EXOC6: variants seen among roughly 807,000 people sequenced by gnomAD.
EXOC6 encodes the protein exocyst complex component 6, also known as SEC15-like 1.
In EXOC6, 60 loss-of-function variants were observed where a neutral mutation model predicts 112.5. That is an observed-to-expected ratio of 0.53 (90% confidence interval 0.43 to 0.66). EXOC6 has a LOEUF of 0.66. Among genes scored for constraint, EXOC6 ranks in the 30% least tolerant of loss-of-function variants. EXOC6 has a pLI of 0.00. For missense variants in EXOC6, 855 were observed against 957.1 expected (o/e 0.89, Z 1.41); for synonymous variants, 295 against 308.0 (o/e 0.96, Z 0.44).
At chr10:92,905,687 C>T (rs1285892869) in intron 5 of EXOC6, among the ~76,000 whole-genome samples, 2 of 152,008 alleles carry the variant, frequency 1.3e-5, no homozygotes, top group African/African-American at 4.8e-5. Flanking sequence ...TCTTGTTTCT[C>T]ACCATTAAGT....
At position 92,979,543 on chromosome 10, in the gene EXOC6, G is replaced by A. The variant is rs147624174; in HGVS notation, c.1953+5311G>A. The stretch of plus-strand genomic sequence containing the variant: ...ATTATTTTCACATATTGTGGTAGCA[G>A]TGGAAACCTGTAGGATTTGGAAAAC... On this transcript the variant is annotated intron_variant, in intron 18 of 21. Coordinates refer to ENST00000260762, the MANE Select transcript of EXOC6 (RefSeq NM_019053.6). 3.2e-3 allele frequency among the ~76,000 whole-genome samples: 491 copies of A among 152,294 alleles called. 3 individuals are homozygous for A. Among genetic ancestry groups the A allele is most frequent in the African/African-American group, 0.011 (470 of 41,554 alleles).
intron 15 of EXOC6, among the ~76,000 whole-genome samples, 182 bp from the exon 16 acceptor site, chr10:92,954,448 G>A (rs1192355914): frequency 2.0e-5 from 3 of 152,100 alleles, no homozygotes; most frequent in Admixed American, 6.5e-5. Flanking sequence ...TATGGAAAAT[G>A]TCCCTTTTGC....
In EXOC6 at chr10:92,875,489, G is replaced by A. The variant is rs558799837; in HGVS notation, c.102-17860G>A. ...TATGAATAAGTATGTTTTGAATATA[G>A]CCCTAATTAGATTGCCCCTGAGACC... On this transcript the variant is annotated intron_variant, in intron 1 of 21. Coordinates refer to ENST00000260762, the MANE Select transcript of EXOC6 (RefSeq NM_019053.6). Among the ~76,000 whole-genome samples the A allele has an allele frequency of 2.0e-5, 3 of 152,164 alleles. No homozygotes were observed. The South Asian group carries it at 6.2e-4, about 32-fold the overall frequency.
chr10:92,976,978 T>C (rs1209021268), intron 18 of EXOC6, among the ~76,000 whole-genome samples: 2 of 152,236 alleles, frequency 1.3e-5, no homozygotes, highest in African/African-American at 2.4e-5. Context: ...ATAATAAAAC[T>C]GTTAAAACAT....
intron 18 of EXOC6, among the ~76,000 whole-genome samples, chr10:92,983,132 G>A (rs1842884275): frequency 6.6e-6 from 1 of 152,122 alleles, no homozygotes; most frequent in Admixed American, 6.6e-5. Context: ...TGTGAAAGCA[G>A]ACAAATTATT....
chr10:93,020,336 T>C (rs1176659812), intron 20 of EXOC6, among the ~76,000 whole-genome samples: 1 of 152,130 alleles, frequency 6.6e-6, no homozygotes, highest in Non-Finnish European at 1.5e-5. Flanking sequence ...ATTAACAGCC[T>C]TTATGCCTAC....
chr10:92,931,967 T>G (rs1852064802), intron 9 of EXOC6, among the ~76,000 whole-genome samples: 1 of 152,146 alleles, frequency 6.6e-6, no homozygotes, highest in African/African-American at 2.4e-5. Context: ...TGTATCTTTA[T>G]ACAGTGGCTC....
Position 93,058,395 on chromosome 10 carries a change from T to C in EXOC6, c.*40T>C. The C allele has an allele frequency of 6.5e-7, 1 of 1,534,614 alleles. No individual in the cohort carries two copies. Among genetic ancestry groups the C allele is most frequent in the Non-Finnish European group, 8.7e-7 (1 of 1,143,396 alleles). The stretch of plus-strand genomic sequence containing the variant: ...GCACTCAGTGACACCAAATCCATGA[T>C]TCAATGTTGATCTTGAGCAAGTATT... On this transcript the variant is annotated 3_prime_UTR_variant, in exon 22 of 22. Coordinates refer to ENST00000260762, the MANE Select transcript of EXOC6 (RefSeq NM_019053.6).
Position 92,948,245 on chromosome 10 carries a change from A to G in EXOC6, c.1311-29A>G, listed in dbSNP as rs764319196. On this transcript the variant is annotated intron_variant, in intron 13 of 21. Coordinates refer to ENST00000260762, the MANE Select transcript of EXOC6 (RefSeq NM_019053.6). ...TACTCTAATAATATGCTTTGTAATG[A>G]TAAGTTTTCAATTTTCCTTTCCTAA... 9 of 1,401,384 alleles carry G rather than the reference A, an allele frequency of 6.4e-6. No individual in the cohort carries two copies. In the South Asian group the frequency reaches 8.4e-5, roughly 13 times the overall value. 86.8% of individuals were successfully genotyped at this position (1,401,384 alleles called of 1,614,324 possible).
chr10:92,829,714 G>A (rs1274730043), upstream of EXOC6, among the ~76,000 whole-genome samples: 1 of 152,146 alleles, frequency 6.6e-6, no homozygotes, highest in Non-Finnish European at 1.5e-5. Context: ...AGGAGGTTAG[G>A]CATTCTGTCA....
intron 17 of EXOC6, among the ~76,000 whole-genome samples, chr10:92,972,439 A>G (rs760063515): frequency 6.6e-6 from 1 of 152,188 alleles, no homozygotes; most frequent in Non-Finnish European, 1.5e-5. Flanking sequence ...TGGAGCTGCT[A>G]TCTTTATGAA....
chr10:93,047,429 G>T (rs1440403417), intron 20 of EXOC6, among the ~76,000 whole-genome samples: 1 of 151,836 alleles, frequency 6.6e-6, no homozygotes, highest in African/African-American at 2.4e-5. Flanking sequence ...CTAGCTACTC[G>T]GGAGGCTGAA....
intron 17 of EXOC6, among the ~76,000 whole-genome samples, chr10:92,971,493 G>C (rs541238991): frequency 6.0e-4 from 92 of 152,094 alleles, no homozygotes; most frequent in Middle Eastern, 3.4e-3. Context: ...TCCTGCCTCA[G>C]CCTCCCAAGT....
At chr10:92,947,797 G>C (rs1374481618) in intron 13 of EXOC6, among the ~76,000 whole-genome samples, 3 of 152,152 alleles carry the variant, frequency 2.0e-5, no homozygotes, top group Admixed American at 1.3e-4. Flanking sequence ...CCAGCTACTT[G>C]GGAGGCTGAG....
At chr10:92,932,931 A>G (rs565273682) in intron 9 of EXOC6, among the ~76,000 whole-genome samples, 2 of 152,198 alleles carry the variant, frequency 1.3e-5, no homozygotes, top group South Asian at 2.1e-4. Flanking sequence ...AAATTAAACT[A>G]TCCTACAGTT....
At chr10:93,030,235 G>A (rs1845211555) in intron 20 of EXOC6, among the ~76,000 whole-genome samples, 1 of 150,908 alleles carries the variant, frequency 6.6e-6, no homozygotes, top group African/African-American at 2.4e-5. Flanking sequence ...TAGAGACGGG[G>A]TTTTGCCATG....
At chr10:92,866,210 A>G (rs1219050853) in intron 1 of EXOC6, among the ~76,000 whole-genome samples, 2 of 152,176 alleles carry the variant, frequency 1.3e-5, no homozygotes, top group African/African-American at 4.8e-5. Context: ...TTTTAATCCA[A>G]GTAACTAATT....
chr10:92,890,134 A>AT (rs1191401561), intron 1 of EXOC6, among the ~76,000 whole-genome samples: 3 of 152,040 alleles, frequency 2.0e-5, no homozygotes, highest in South Asian at 2.1e-4. Context: ...TAGTTCCTTG[A>AT]TTTTTTTAAA....
At chr10:92,849,639 T>C (rs372255220) in intron 1 of EXOC6, among the ~76,000 whole-genome samples, 4 of 152,358 alleles carry the variant, frequency 2.6e-5, no homozygotes, top group East Asian at 3.9e-4. Flanking sequence ...CTTCCTAGAA[T>C]AGAGCGCTGT....
Sources: allele counts gnomAD v4.1 joint callset (sites outside exome capture counted in the v4.1 genomes callset), GRCh38; gene constraint gnomAD v4.1.1; transcripts MANE v1.5; gene names NCBI Gene and HGNC (gene_info 2026-07-23, HGNC 2026-07-21).